The following NBAS variants were observed in gnomAD, a reference collection of about 807,000 sequenced individuals.
The protein encoded by NBAS is NAG/BC035112 fusion.
Under a neutral mutation model 302.5 loss-of-function variants are expected in NBAS, and 219 were observed. That is an observed-to-expected ratio of 0.72 (90% confidence interval 0.65 to 0.81). The LOEUF is 0.81. NBAS is among the 30% of genes least tolerant of loss of function. NBAS has a pLI of 0.00. For missense variants in NBAS, 2,932 were observed against 2,841.6 expected (o/e 1.03, Z -0.72); for synonymous variants, 1,118 against 1,021.6 (o/e 1.09, Z -1.80).
intron 11 of NBAS, among the ~76,000 whole-genome samples, chr2:15,491,355 G>A (rs1680845757): frequency 6.6e-6 from 1 of 152,230 alleles, no homozygotes; most frequent in South Asian, 2.1e-4. Context: ...GCCTTGCTAA[G>A]TTCCTCCCAA....
At chr2:15,103,964 G>A in the NBAS span, among the ~76,000 whole-genome samples, 5 of 152,236 alleles carry the variant, frequency 3.3e-5, no homozygotes, top group Admixed American at 3.3e-4. Context: ...CTGGATACTT[G>A]TGAAAATCAG....
At chr2:15,421,997 A>G (rs1035097416) in intron 23 of NBAS, among the ~76,000 whole-genome samples, 1 of 152,158 alleles carries the variant, frequency 6.6e-6, no homozygotes, top group Non-Finnish European at 1.5e-5. Context: ...CACGGTTTAC[A>G]TTCAGATTCA....
chr2:15,290,115 A>C (rs991436058), intron 41 of NBAS, among the ~76,000 whole-genome samples: 3 of 150,508 alleles, frequency 2.0e-5, no homozygotes, highest in Admixed American at 2.0e-4. Context: ...GAGAGGGGAG[A>C]GGGGAGAGAG....
At chr2:15,100,066 T>C in the NBAS span, among the ~76,000 whole-genome samples, 3 of 152,164 alleles carry the variant, frequency 2.0e-5, no homozygotes, top group East Asian at 1.9e-4. Context: ...ATGCCTCAGA[T>C]AGTTGTGCAG....
the NBAS span, among the ~76,000 whole-genome samples, chr2:15,131,217 G>T: frequency 6.6e-6 from 1 of 152,126 alleles, no homozygotes; most frequent in Non-Finnish European, 1.5e-5. Flanking sequence ...TAAATGAGTG[G>T]CTTTCAAAGA....
chr2:14,992,067 G>T, the NBAS span, among the ~76,000 whole-genome samples: 2 of 152,256 alleles, frequency 1.3e-5, no homozygotes, highest in East Asian at 3.9e-4. Flanking sequence ...AGCTCAGTGT[G>T]GGCAATGCTA....
chr2:15,504,096 G>A (rs1558395678), intron 11 of NBAS, 49 bp downstream of exon 11: 1 of 1,462,990 alleles, frequency 6.8e-7, no homozygotes, highest in East Asian at 2.3e-5. Flanking sequence ...AGGTACTTCA[G>A]GGTAAAAATG....
At chr2:15,096,959 A>C in the NBAS span, among the ~76,000 whole-genome samples, 1 of 152,288 alleles carries the variant, frequency 6.6e-6, no homozygotes, top group Non-Finnish European at 1.5e-5. Context: ...GATGTGAGGA[A>C]ATTGCTTGGG....
the NBAS span, among the ~76,000 whole-genome samples, chr2:15,152,496 G>A: frequency 6.6e-6 from 1 of 152,196 alleles, no homozygotes; most frequent in Non-Finnish European, 1.5e-5. Context: ...CTGAGTCTCA[G>A]CCAATTGCAG....
intron 47 of NBAS, among the ~76,000 whole-genome samples, chr2:15,224,310 T>C (rs992220367): frequency 6.6e-6 from 1 of 152,190 alleles, no homozygotes; most frequent in African/African-American, 2.4e-5. Context: ...AAGCGAATCT[T>C]CAGTAAGAGA....
chr2:15,356,891 C>T (rs1234588998), intron 32 of NBAS, among the ~76,000 whole-genome samples: 1 of 152,220 alleles, frequency 6.6e-6, no homozygotes, highest in African/African-American at 2.4e-5. Flanking sequence ...AGAGCACTGG[C>T]AAAGATTGTT....
intron 35 of NBAS, among the ~76,000 whole-genome samples, chr2:15,351,337 A>C (rs1673345481): frequency 6.6e-6 from 1 of 152,202 alleles, no homozygotes; most frequent in Non-Finnish European, 1.5e-5. Flanking sequence ...TATCAGGATT[A>C]GTCAGGACAG....
intron 23 of NBAS, among the ~76,000 whole-genome samples, chr2:15,422,922 C>T (rs1039978071): frequency 6.6e-6 from 1 of 152,300 alleles, no homozygotes; most frequent in African/African-American, 2.4e-5. Flanking sequence ...AATCATTTTT[C>T]TTGTTAGCCA....
intron 31 of NBAS, 60 bp from the exon 32 acceptor site, chr2:15,366,753 G>A (rs1305311581): frequency 6.8e-7 from 1 of 1,480,192 alleles, no homozygotes; most frequent in Admixed American, 1.7e-5. Flanking sequence ...GGTGTTAATG[G>A]CCTTCCTAAT....
the NBAS span, among the ~76,000 whole-genome samples, chr2:14,888,916 A>G: frequency 6.6e-6 from 1 of 152,192 alleles, no homozygotes; most frequent in Non-Finnish European, 1.5e-5. Flanking sequence ...CACGAATCAC[A>G]TGAGCCAGCA....
chr2:14,789,613 T>C, the NBAS span, among the ~76,000 whole-genome samples: 1 of 152,214 alleles, frequency 6.6e-6, no homozygotes, highest in Non-Finnish European at 1.5e-5. Flanking sequence ...CAATCATTCA[T>C]ACTTAGAGCA....
chr2:15,140,109 G>A, the NBAS span, among the ~76,000 whole-genome samples: 3 of 152,194 alleles, frequency 2.0e-5, no homozygotes, highest in Admixed American at 6.5e-5. Flanking sequence ...ACCATGTTGT[G>A]AGGAAGCCCA....
chr2:14,925,325 T>A, the NBAS span, among the ~76,000 whole-genome samples: 2 of 152,192 alleles, frequency 1.3e-5, no homozygotes, highest in Non-Finnish European at 2.9e-5. Context: ...TTTCCCGCCT[T>A]AGAGAGGAGT....
At chr2:15,412,247 G>A (rs143607747) in intron 25 of NBAS, among the ~76,000 whole-genome samples, 5 of 152,156 alleles carry the variant, frequency 3.3e-5, no homozygotes, top group East Asian at 3.9e-4. Flanking sequence ...CCCATGAGAC[G>A]TTCTTTGACC....
Sources: gnomAD v4.1 joint callset for allele counts (sites outside exome capture counted in the v4.1 genomes callset) on GRCh38, gnomAD v4.1.1 for gene constraint, MANE v1.5 for transcripts, NCBI Gene and HGNC (gene_info 2026-07-23, HGNC 2026-07-21) for gene names.